The following CDH13 variants were observed in gnomAD, a reference collection of about 807,000 sequenced individuals.
CDH13 encodes cadherin 13.
Under a neutral mutation model 63.8 loss-of-function variants are expected in CDH13, and 24 were observed. The ratio of observed to expected loss-of-function variants is 0.38; its 90% CI spans 0.27 to 0.53. The LOEUF (loss-of-function observed/expected upper bound fraction) is 0.53, where lower values mean the gene tolerates loss of function less well. CDH13 is among the 20% of genes least tolerant of loss of function. The pLI is 0.85. For missense variants in CDH13, 1,049 were observed against 903.1 expected, an observed-to-expected ratio of 1.16 and a Z score of -2.07; for synonymous variants, 503 against 355.3, an observed-to-expected ratio of 1.42 and a Z score of -4.67.
intron 7 of CDH13, among the ~76,000 whole-genome samples, chr16:83,521,656 A>G (rs1264324777): frequency 6.6e-6 from 1 of 152,194 alleles, no homozygotes; most frequent in African/African-American, 2.4e-5. Flanking sequence ...ATCAATCTAA[A>G]TTGTATATGT....
chr16:83,388,287 A>G (rs1472355843), intron 6 of CDH13, among the ~76,000 whole-genome samples: 1 of 150,388 alleles, frequency 6.6e-6, no homozygotes, highest in African/African-American at 2.5e-5. Context: ...TCTCTGGAAA[A>G]AAAAAAAAAA....
chr16:83,304,256 A>G (rs914427548), intron 5 of CDH13, among the ~76,000 whole-genome samples: 14 of 152,134 alleles, frequency 9.2e-5, no homozygotes, highest in African/African-American at 3.1e-4. Context: ...TGAGAAGTAC[A>G]TGAAATTGGA....
chr16:83,361,940 G>A (rs1010635355), intron 6 of CDH13, among the ~76,000 whole-genome samples: 2 of 152,072 alleles, frequency 1.3e-5, no homozygotes, highest in African/African-American at 4.8e-5. Context: ...AATTTTAATA[G>A]TTTTTCTAAT....
intron 2 of CDH13, among the ~76,000 whole-genome samples, chr16:83,011,975 T>C (rs1914205634): frequency 6.6e-6 from 1 of 152,180 alleles, no homozygotes; most frequent in Non-Finnish European, 1.5e-5. Context: ...TCCTTTTATT[T>C]CTCACCCACT....
chr16:82,812,869 G>T (rs542352271), intron 1 of CDH13, among the ~76,000 whole-genome samples: 1 of 148,108 alleles, frequency 6.8e-6, no homozygotes, highest in African/African-American at 2.5e-5. Context: ...TTTCCTGTAG[G>T]AGATACTTTC....
intron 7 of CDH13, among the ~76,000 whole-genome samples, chr16:83,577,235 C>G (rs1445850740): frequency 1.3e-5 from 2 of 152,186 alleles, no homozygotes; most frequent in Non-Finnish European, 2.9e-5. Context: ...TAAACAGCCC[C>G]TGTCCTACTG....
intron 5 of CDH13, among the ~76,000 whole-genome samples, chr16:83,260,098 A>G (rs775034616): frequency 0.14 from 578 of 4,202 alleles, 7 homozygotes; most frequent in African/African-American, 0.24. Context: ...TACCCCCAAT[A>G]CACACACACA....
At chr16:83,397,258 A>G (rs1285842216) in intron 6 of CDH13, 2 of 152,176 alleles carry the variant, frequency 1.3e-5, no homozygotes, top group Non-Finnish European at 2.9e-5. Context: ...CTCTTAATCT[A>G]AGACAAACCA....
At chr16:82,936,070 C>T (rs1031297848) in intron 2 of CDH13, among the ~76,000 whole-genome samples, 9 of 152,028 alleles carry the variant, frequency 5.9e-5, no homozygotes, top group South Asian at 2.1e-4. Context: ...ATGGGCTTTC[C>T]AGTTGATTGG....
intron 1 of CDH13, among the ~76,000 whole-genome samples, chr16:82,652,438 C>G (rs942641679): frequency 1.3e-5 from 2 of 152,282 alleles, no homozygotes; most frequent in African/African-American, 4.8e-5. Context: ...ATCAGAAAAG[C>G]CATTCATCTG....
chr16:83,141,684 C>T (rs910068990), intron 4 of CDH13, among the ~76,000 whole-genome samples: 2 of 152,098 alleles, frequency 1.3e-5, no homozygotes, highest in Non-Finnish European at 2.9e-5. Context: ...CAACCCCCAA[C>T]AGGCCCCAGT....
chr16:83,768,766 T>C lies in CDH13; in HGVS notation c.1682-11202T>C, dbSNP rs72487985. 1.8e-4 allele frequency among the ~76,000 whole-genome samples: 27 copies of C among 152,176 alleles called. No individual in the cohort carries two copies. The East Asian group carries it at 4.4e-3, about 25-fold the overall frequency. On this transcript the variant is annotated intron_variant, in intron 11 of 13. Coordinates refer to ENST00000567109, the MANE Select transcript of CDH13 (RefSeq NM_001257.5). Reference sequence around the variant, plus strand: ...CATTTGTAAACTGTCATGGTGCTGGTTGGAGTGTAGCAATGAGGATGACCA... The same window carrying C: ...CATTTGTAAACTGTCATGGTGCTGGCTGGAGTGTAGCAATGAGGATGACCA...
intron 4 of CDH13, among the ~76,000 whole-genome samples, chr16:83,147,132 G>A (rs540639781): frequency 6.6e-5 from 10 of 152,306 alleles, no homozygotes; most frequent in African/African-American, 2.4e-4. Context: ...TGGAGCGATA[G>A]CATAGTGTAA....
intron 3 of CDH13, among the ~76,000 whole-genome samples, chr16:83,078,222 T>C (rs1403010772): frequency 6.6e-6 from 1 of 152,168 alleles, no homozygotes; most frequent in Non-Finnish European, 1.5e-5. Flanking sequence ...TTTTCCTCCC[T>C]TAATTTCCAA....
At chr16:83,673,611 CTT>C (rs1914704226) in intron 9 of CDH13, among the ~76,000 whole-genome samples, 1 of 152,198 alleles carries the variant, frequency 6.6e-6, no homozygotes, top group Admixed American at 6.5e-5. Context: ...AAAAACCAGA[CTT>C]GCAGGAAGGA....
intron 2 of CDH13, among the ~76,000 whole-genome samples, chr16:83,001,494 A>G (rs757484848): frequency 3.0e-4 from 45 of 152,240 alleles, no homozygotes; most frequent in Non-Finnish European, 5.1e-4. Flanking sequence ...ATGAAAACAG[A>G]GCTGCCAGAC....
intron 2 of CDH13, among the ~76,000 whole-genome samples, chr16:82,903,750 G>T (rs144223016): frequency 2.4e-4 from 37 of 152,284 alleles, no homozygotes; most frequent in African/African-American, 7.9e-4. Flanking sequence ...GTTAGGGGCT[G>T]TATAGTAACA....
intron 4 of CDH13, among the ~76,000 whole-genome samples, chr16:83,183,259 G>A (rs1266927453): frequency 6.6e-6 from 1 of 152,180 alleles, no homozygotes; most frequent in Non-Finnish European, 1.5e-5. Flanking sequence ...GTTGATATTA[G>A]TCAAACATAA....
At chr16:83,420,872 T>A (rs1274474849) in intron 6 of CDH13, among the ~76,000 whole-genome samples, 1 of 152,142 alleles carries the variant, frequency 6.6e-6, no homozygotes, top group Non-Finnish European at 1.5e-5. Flanking sequence ...ATGTGAAGTC[T>A]GATGTTCAAG....
Sources: gnomAD v4.1 joint callset for allele counts (sites outside exome capture counted in the v4.1 genomes callset) on GRCh38, gnomAD v4.1.1 for gene constraint, MANE v1.5 for transcripts, NCBI Gene and HGNC (gene_info 2026-07-23, HGNC 2026-07-21) for gene names.